SEMA6D: variants seen among roughly 807,000 people sequenced by gnomAD.
SEMA6D encodes the protein semaphorin 6D.
In SEMA6D, 35 loss-of-function variants were observed where a neutral mutation model predicts 106.6. The observed-to-expected ratio is 0.33, with a 90% CI of 0.25 to 0.44. The LOEUF (loss-of-function observed/expected upper bound fraction) is 0.44. SEMA6D is among the 20% of genes least tolerant of loss of function. SEMA6D has a pLI of 1.00. For synonymous variants in SEMA6D, 499 were observed against 487.7 expected, an observed-to-expected ratio of 1.02 and a Z score of -0.31; for missense variants, 1,185 against 1,345.9, an observed-to-expected ratio of 0.88 and a Z score of 1.87.
intron 3 of SEMA6D, among the ~76,000 whole-genome samples, chr15:47,599,034 T>G (rs896479525): frequency 3.9e-5 from 6 of 152,084 alleles, no homozygotes; most frequent in African/African-American, 1.4e-4. Context: ...CTAATCATAC[T>G]CGCTGGAAAA....
chr15:47,199,028 T>C (rs1894543295), intron 1 of SEMA6D, among the ~76,000 whole-genome samples: 1 of 152,184 alleles, frequency 6.6e-6, no homozygotes, highest in Non-Finnish European at 1.5e-5. Context: ...ACTTTTCCCC[T>C]ATTGGTTTTG....
chr15:47,398,338 C>T (rs1426643135), intron 1 of SEMA6D, among the ~76,000 whole-genome samples: 3 of 152,214 alleles, frequency 2.0e-5, no homozygotes, highest in Non-Finnish European at 2.9e-5. Context: ...GCTTTATTGG[C>T]TGCTATCAAA....
chr15:47,365,830 C>T (rs1392296998), intron 1 of SEMA6D, among the ~76,000 whole-genome samples: 2 of 146,918 alleles, frequency 1.4e-5, no homozygotes, highest in Non-Finnish European at 3.0e-5. Context: ...CACTGCACTC[C>T]AGCCTAGGCA....
intron 3 of SEMA6D, among the ~76,000 whole-genome samples, chr15:47,490,252 T>G (rs182575639): frequency 7.6e-4 from 116 of 152,342 alleles, no homozygotes; most frequent in African/African-American, 2.7e-3. Context: ...GTGCTCAGTA[T>G]GTATTTAACT....
upstream of SEMA6D, among the ~76,000 whole-genome samples, chr15:47,712,725 A>G (rs2079044070): frequency 6.6e-6 from 1 of 152,234 alleles, no homozygotes; most frequent in Non-Finnish European, 1.5e-5. Context: ...AAGACAGTCT[A>G]ACATTTAATA....
intron 3 of SEMA6D, among the ~76,000 whole-genome samples, chr15:47,567,671 AG>A (rs1241855616): frequency 6.6e-6 from 1 of 152,130 alleles, no homozygotes; most frequent in Non-Finnish European, 1.5e-5. Context: ...ATTTCCTTCT[AG>A]TTCTTATAAC....
In SEMA6D at chr15:47,770,492, T is replaced by C. The variant is rs746045487; in HGVS notation, c.1934-5T>C. ...TATTCACATTGTCCCATGTGTCTAT[T>C]TCAGGTGTACGATGGGAAGTCCAGT... On this transcript the variant is annotated splice_polypyrimidine_tract_variant and splice_region_variant and intron_variant, in intron 18 of 18. Transcript: ENST00000536845. 7 of 1,578,016 alleles carry C rather than the reference T, an allele frequency of 4.4e-6. No individual in the cohort carries two copies. Among genetic ancestry groups the C allele is most frequent in the Non-Finnish European group, 6.0e-6 (7 of 1,157,786 alleles).
intron 1 of SEMA6D, among the ~76,000 whole-genome samples, chr15:47,276,419 G>T (rs1337518034): frequency 6.6e-6 from 1 of 152,110 alleles, no homozygotes; most frequent in Non-Finnish European, 1.5e-5. Flanking sequence ...TCTTGTTAGG[G>T]ACTGATGCAG....
chr15:47,328,123 A>C (rs1248383126), intron 1 of SEMA6D, among the ~76,000 whole-genome samples: 1 of 152,188 alleles, frequency 6.6e-6, no homozygotes, highest in Non-Finnish European at 1.5e-5. Context: ...CTGCAGAACA[A>C]ATTGTTAAAA....
At chr15:47,692,168 C>T (rs2078600536) in intron 4 of SEMA6D, among the ~76,000 whole-genome samples, 1 of 152,098 alleles carries the variant, frequency 6.6e-6, no homozygotes, top group South Asian at 2.1e-4. Flanking sequence ...GTTTAGGAGG[C>T]TTATATGCAT....
intron 4 of SEMA6D, among the ~76,000 whole-genome samples, chr15:47,638,076 T>C (rs1464281537): frequency 6.6e-6 from 1 of 151,990 alleles, no homozygotes; most frequent in African/African-American, 2.4e-5. Context: ...TAGCTATCTT[T>C]GCTGCTTGTT....
intron 2 of SEMA6D, among the ~76,000 whole-genome samples, chr15:47,466,259 A>G (rs556074876): frequency 2.6e-5 from 4 of 152,308 alleles, no homozygotes; most frequent in African/African-American, 9.6e-5. Flanking sequence ...GATGTTCAGA[A>G]CTTAGTTCAT....
chr15:47,367,964 T>G (rs551807171), intron 1 of SEMA6D, among the ~76,000 whole-genome samples: 4 of 75,846 alleles, frequency 5.3e-5, no homozygotes, highest in African/African-American at 1.7e-4. Context: ...GGCTTAATGC[T>G]CCTTTTTTTT....
At chr15:47,339,369 C>T (rs902195308) in intron 1 of SEMA6D, 4 of 152,158 alleles carry the variant, frequency 2.6e-5, no homozygotes, top group Non-Finnish European at 5.9e-5. Context: ...GGCCTTCAAC[C>T]CATGGGATGT....
intron 1 of SEMA6D, among the ~76,000 whole-genome samples, chr15:47,203,805 C>G (rs1400867296): frequency 3.9e-5 from 6 of 152,112 alleles, no homozygotes; most frequent in African/African-American, 1.2e-4. Flanking sequence ...TTGAATGAAT[C>G]TAATTGTTTT....
intron 1 of SEMA6D, among the ~76,000 whole-genome samples, chr15:47,215,764 A>G (rs924948317): frequency 3.9e-5 from 6 of 152,182 alleles, no homozygotes; most frequent in Non-Finnish European, 7.3e-5. Context: ...GCTCACCTAT[A>G]GAACACTTGA....
chr15:47,438,109 A>G (rs2041777376), intron 2 of SEMA6D, among the ~76,000 whole-genome samples: 1 of 152,116 alleles, frequency 6.6e-6, no homozygotes, highest in Admixed American at 6.6e-5. Context: ...AGTATTCATC[A>G]TCTTAACTGC....
At chr15:47,436,758 T>TAAAA (rs67662241) in intron 2 of SEMA6D, among the ~76,000 whole-genome samples, 2 of 127,472 alleles carry the variant, frequency 1.6e-5, no homozygotes, top group African/African-American at 5.7e-5. Flanking sequence ...CTATCTCTAT[T>TAAAA]AAAAAAAAAA....
chr15:47,407,806 AT>A (rs1164697059), intron 1 of SEMA6D, among the ~76,000 whole-genome samples: 4 of 152,208 alleles, frequency 2.6e-5, no homozygotes, highest in African/African-American at 9.6e-5. Flanking sequence ...GTCAAGGCAC[AT>A]TGGATGGATA....
Sources: gnomAD v4.1 joint callset for allele counts (sites outside exome capture counted in the v4.1 genomes callset) on GRCh38, gnomAD v4.1.1 for gene constraint, MANE v1.5 for transcripts, NCBI Gene and HGNC (gene_info 2026-07-23, HGNC 2026-07-21) for gene names.